The following IFNG-AS1 variants were observed in gnomAD, a reference collection of about 807,000 sequenced individuals.
IFNG-AS1 encodes the protein IFNG antisense RNA 1 (non-protein coding).
intron 1 of IFNG-AS1, among the ~76,000 whole-genome samples, chr12:67,994,556 C>G (rs779764813): frequency 1.3e-5 from 2 of 152,162 alleles, no homozygotes; most frequent in Non-Finnish European, 2.9e-5. Context: ...TTACCTAAAA[C>G]TAGGGGGAGA....
chr12:68,015,415 T>C (rs1437407796), intron 3 of IFNG-AS1, among the ~76,000 whole-genome samples: 1 of 152,154 alleles, frequency 6.6e-6, no homozygotes, highest in African/African-American at 2.4e-5. Flanking sequence ...GCTGATCTTT[T>C]CACCTGAGGT....
chr12:68,008,874 C>T (rs1879964487), intron 3 of IFNG-AS1, among the ~76,000 whole-genome samples: 1 of 152,166 alleles, frequency 6.6e-6, no homozygotes, highest in Admixed American at 6.5e-5. Context: ...AAATACCATC[C>T]AGCTGGTGTT....
chr12:68,002,258 G>C (rs926340130), intron 2 of IFNG-AS1, among the ~76,000 whole-genome samples: 8 of 152,198 alleles, frequency 5.3e-5, no homozygotes, highest in African/African-American at 1.9e-4. Flanking sequence ...TAGGTCATGG[G>C]GGGAGTGGCG....
At chr12:68,008,709 C>T (rs1190439548) in intron 3 of IFNG-AS1, among the ~76,000 whole-genome samples, 2 of 152,150 alleles carry the variant, frequency 1.3e-5, no homozygotes, top group African/African-American at 4.8e-5. Flanking sequence ...TCATAGTCAT[C>T]CGCATCCACC....
At chr12:68,011,005 G>A (rs1206220576) in intron 3 of IFNG-AS1, among the ~76,000 whole-genome samples, 2 of 152,198 alleles carry the variant, frequency 1.3e-5, no homozygotes, top group Admixed American at 6.5e-5. Context: ...ACACTACTAT[G>A]AGGTAGGTTT....
At chr12:68,012,781 G>C (rs1208525687) in intron 3 of IFNG-AS1, among the ~76,000 whole-genome samples, 1 of 152,164 alleles carries the variant, frequency 6.6e-6, no homozygotes, top group Non-Finnish European at 1.5e-5. Context: ...TTTAATTAAG[G>C]AAAGACGACT....
At chr12:67,998,647 C>G (rs1279255342) in intron 2 of IFNG-AS1, among the ~76,000 whole-genome samples, 1 of 151,774 alleles carries the variant, frequency 6.6e-6, no homozygotes, top group East Asian at 1.9e-4. Flanking sequence ...AAATAAATGA[C>G]TAAAATCAAG....
At chr12:67,999,243 T>G (rs1879712177) in intron 2 of IFNG-AS1, among the ~76,000 whole-genome samples, 1 of 152,188 alleles carries the variant, frequency 6.6e-6, no homozygotes, top group Non-Finnish European at 1.5e-5. Flanking sequence ...TGTACACATG[T>G]TTATTATAAA....
intron 2 of IFNG-AS1, among the ~76,000 whole-genome samples, chr12:67,999,266 T>A (rs1220307731): frequency 6.6e-6 from 1 of 152,194 alleles, no homozygotes; most frequent in African/African-American, 2.4e-5. Context: ...GATTTTTATC[T>A]AGCTTTGTCT....
chr12:68,017,324 T>C (rs984041595), intron 3 of IFNG-AS1, among the ~76,000 whole-genome samples: 4 of 152,164 alleles, frequency 2.6e-5, no homozygotes, highest in African/African-American at 9.7e-5. Flanking sequence ...CAAGGGCAAC[T>C]GGAGGCCATG....
chr12:68,000,110 A>G (rs530276759), intron 2 of IFNG-AS1, among the ~76,000 whole-genome samples: 27 of 152,212 alleles, frequency 1.8e-4, no homozygotes, highest in Non-Finnish European at 2.9e-4. Flanking sequence ...ATAGCATAAT[A>G]TCAATGTTAG....
intron 3 of IFNG-AS1, among the ~76,000 whole-genome samples, chr12:68,006,394 C>T (rs1293580457): frequency 3.3e-5 from 5 of 151,956 alleles, no homozygotes; most frequent in African/African-American, 4.8e-5. Flanking sequence ...AAACAAATTC[C>T]AGATTTTTTT....
At chr12:68,006,013 G>A (rs551753197) in intron 2 of IFNG-AS1, 3 of 152,298 alleles carry the variant, frequency 2.0e-5, no homozygotes, top group Admixed American at 2.0e-4. Context: ...TGAAACTTCC[G>A]GAGGGATTCA....
chr12:68,012,781 GA>G (rs1448950924), intron 3 of IFNG-AS1, among the ~76,000 whole-genome samples: 1 of 152,164 alleles, frequency 6.6e-6, no homozygotes, highest in Non-Finnish European at 1.5e-5. Flanking sequence ...TTTAATTAAG[GA>G]AAGACGACTA....
chr12:67,997,834 TAA>T (rs1458980357), intron 2 of IFNG-AS1, among the ~76,000 whole-genome samples: 1 of 151,700 alleles, frequency 6.6e-6, no homozygotes, highest in African/African-American at 2.4e-5. Flanking sequence ...TTGAACTAGA[TAA>T]AGAAACAAGA....
chr12:68,020,628 A>G (rs1304109921), intron 4 of IFNG-AS1: 1 of 152,174 alleles, frequency 6.6e-6, no homozygotes, highest in Non-Finnish European at 1.5e-5. Flanking sequence ...TTATGCACAT[A>G]CTTCCACCAG....
intron 1 of IFNG-AS1, among the ~76,000 whole-genome samples, chr12:67,992,050 CTCTCTT>C (rs1879528459): frequency 6.6e-6 from 1 of 152,102 alleles, no homozygotes; most frequent in African/African-American, 2.4e-5. Flanking sequence ...CTTCCTCTCT[CTCTCTT>C]TCTCTTTCTC....
At chr12:68,008,193 G>T (rs918302449) in intron 3 of IFNG-AS1, among the ~76,000 whole-genome samples, 5 of 152,120 alleles carry the variant, frequency 3.3e-5, no homozygotes, top group African/African-American at 4.8e-5. Context: ...GAGGCAGGCG[G>T]ATCATGAGGT....
chr12:68,006,343 A>C (rs1003679822), intron 3 of IFNG-AS1, among the ~76,000 whole-genome samples: 1 of 152,260 alleles, frequency 6.6e-6, no homozygotes, highest in Admixed American at 6.5e-5. Flanking sequence ...GAATTCTAGA[A>C]AAAAGTTAAA....
Sources: gnomAD v4.1 joint callset for allele counts (sites outside exome capture counted in the v4.1 genomes callset) on GRCh38, gnomAD v4.1.1 for gene constraint, MANE v1.5 for transcripts, NCBI Gene and HGNC (gene_info 2026-07-23, HGNC 2026-07-21) for gene names.